The following RNFT2 variants were observed in gnomAD, a reference collection of about 807,000 sequenced individuals.
The protein encoded by RNFT2 is E3 ubiquitin-protein ligase RNFT2.
A neutral mutation model predicts 53.0 loss-of-function variants in RNFT2; 36 were observed. The ratio of observed to expected loss-of-function variants is 0.68; its 90% CI spans 0.52 to 0.90. The LOEUF is 0.90. RNFT2 is among the 40% of genes least tolerant of loss of function. The pLI, the probability that RNFT2 is intolerant of heterozygous loss-of-function variation, is 0.00. For missense variants in RNFT2, 514 were observed against 585.6 expected (o/e 0.88, Z 1.26); for synonymous variants, 260 against 253.2 (o/e 1.03, Z -0.26).
At chr12:116,812,203 G>A (rs551232454) in intron 7 of RNFT2, among the ~76,000 whole-genome samples, 2 of 152,314 alleles carry the variant, frequency 1.3e-5, no homozygotes, top group Admixed American at 6.5e-5. Context: ...GACAGAGGGA[G>A]ATGGCACCTG....
intron 7 of RNFT2, among the ~76,000 whole-genome samples, chr12:116,816,707 T>C (rs997952677): frequency 1.3e-5 from 2 of 152,216 alleles, no homozygotes; most frequent in Non-Finnish European, 2.9e-5. Context: ...TCAGTTTCTC[T>C]CATCTGCAAA....
At chr12:116,815,683 G>T (rs1875617543) in intron 7 of RNFT2, among the ~76,000 whole-genome samples, 1 of 152,168 alleles carries the variant, frequency 6.6e-6, no homozygotes, top group African/African-American at 2.4e-5. Context: ...CATCACATCT[G>T]CACGTGCACA....
chr12:116,840,833 G>T (rs1298742968), intron 10 of RNFT2, among the ~76,000 whole-genome samples: 1 of 152,114 alleles, frequency 6.6e-6, no homozygotes, highest in African/African-American at 2.4e-5. Flanking sequence ...GTATTATACC[G>T]ATATTCAGTA....
chr12:116,803,967 CTT>C (rs1874927849), intron 7 of RNFT2, among the ~76,000 whole-genome samples: 1 of 152,172 alleles, frequency 6.6e-6, no homozygotes, highest in African/African-American at 2.4e-5. Context: ...ATCTGGGAAA[CTT>C]TTGTCTTACT....
At chr12:116,761,090 G>C (rs949022673) in intron 5 of RNFT2, among the ~76,000 whole-genome samples, 1 of 151,964 alleles carries the variant, frequency 6.6e-6, no homozygotes, top group African/African-American at 2.4e-5. Flanking sequence ...TCTCCTCCAC[G>C]TACACCTAGC....
At position 116,845,243 on chromosome 12, in the gene RNFT2, CAA is replaced by C. The variant is rs66920809; in HGVS notation, c.1201-4056_1201-4055del. Among the ~76,000 whole-genome samples, 580 of 82,716 alleles carry C rather than the reference CAA, an allele frequency of 7.0e-3. 3 individuals carry two copies. Among genetic ancestry groups the C allele is most frequent in the Middle Eastern group, 0.024 (4 of 170 alleles). 54.3% of individuals were successfully genotyped at this position (82,716 alleles called of 152,430 possible). On this transcript the variant is annotated intron_variant, in intron 10 of 10. Coordinates refer to ENST00000257575, the MANE Select transcript of RNFT2 (RefSeq NM_001382266.1). Reference sequence around the variant, plus strand: ...TGGATGACAGAGCAAGACCCGGTTTCAAAAAAAAAAAAAAAATATATATATAT... The same window carrying C: ...TGGATGACAGAGCAAGACCCGGTTTCAAAAAAAAAAAAAATATATATATAT...
At chr12:116,746,743 G>T (rs1871915737) in intron 3 of RNFT2, among the ~76,000 whole-genome samples, 1 of 152,154 alleles carries the variant, frequency 6.6e-6, no homozygotes, top group African/African-American at 2.4e-5. Context: ...TGTCAGTAAG[G>T]AACATGATAT....
At chr12:116,784,071 T>C (rs902558322) in intron 7 of RNFT2, among the ~76,000 whole-genome samples, 4 of 152,176 alleles carry the variant, frequency 2.6e-5, no homozygotes, top group Admixed American at 6.5e-5. Flanking sequence ...CAGCTAGAAA[T>C]TGAAGAGCAA....
At chr12:116,750,813 TATATATTATATATATA>T (rs1872164098) in intron 4 of RNFT2, among the ~76,000 whole-genome samples, 2 of 5,094 alleles carry the variant, frequency 3.9e-4, no homozygotes, top group African/African-American at 6.2e-4. Context: ...ATATATAATA[TATATATTATATATATA>T]ATATATATAT....
chr12:116,753,141 T>C (rs1436330648), intron 4 of RNFT2, among the ~76,000 whole-genome samples: 3 of 79,800 alleles, frequency 3.8e-5, no homozygotes, highest in Non-Finnish European at 8.2e-5. Context: ...TTTTCTTTTT[T>C]CTTTTTCTTT....
chr12:116,771,134 C>G (rs1204896825), intron 6 of RNFT2, among the ~76,000 whole-genome samples: 1 of 152,004 alleles, frequency 6.6e-6, no homozygotes, highest in Non-Finnish European at 1.5e-5. Flanking sequence ...TGACTCCTGA[C>G]CTAAAATATT....
chr12:116,826,282 G>A (rs78204217), intron 7 of RNFT2, among the ~76,000 whole-genome samples: 5,280 of 151,800 alleles, frequency 0.035, 149 homozygotes, highest in African/African-American at 0.063. Context: ...AATAGAATCC[G>A]CCTTCCCAAC....
At chr12:116,825,810 G>A (rs1273311411) in intron 7 of RNFT2, among the ~76,000 whole-genome samples, 1 of 152,136 alleles carries the variant, frequency 6.6e-6, no homozygotes, top group Non-Finnish European at 1.5e-5. Flanking sequence ...GGGTCATAGA[G>A]GTTGAATTAT....
At chr12:116,775,616 C>A (rs1357984911) in intron 6 of RNFT2, among the ~76,000 whole-genome samples, 3 of 152,226 alleles carry the variant, frequency 2.0e-5, no homozygotes, top group Admixed American at 1.3e-4. Flanking sequence ...AAATTGGAAC[C>A]AAGTCCACAT....
rs113326826 is a variant in RNFT2 at position 116,848,619 on chromosome 12, A to G, written c.1201-695A>G. Among the ~76,000 whole-genome samples the G allele has an allele frequency of 2.0e-3, 304 of 152,186 alleles. 5 individuals carry two copies. The highest frequency in any genetic ancestry group is 7.2e-3 in the African/African-American group (297 of 41,518). On this transcript the variant is annotated intron_variant, in intron 10 of 10. Coordinates refer to ENST00000257575, the MANE Select transcript of RNFT2 (RefSeq NM_001382266.1). ...CCTCTCCTTCCTGTTCCTCCCGCACATCAAACACAGTCCAGCCTCAGGGCC... is the reference window on the plus strand; with the variant it reads ...CCTCTCCTTCCTGTTCCTCCCGCACGTCAAACACAGTCCAGCCTCAGGGCC...
At chr12:116,820,774 T>C (rs1875972636) in intron 7 of RNFT2, among the ~76,000 whole-genome samples, 1 of 152,184 alleles carries the variant, frequency 6.6e-6, no homozygotes, top group South Asian at 2.1e-4. Context: ...ACCCTGCCTC[T>C]TTGAGCCTCT....
At chr12:116,845,258 A>ATATAT (rs1177907516) in intron 10 of RNFT2, among the ~76,000 whole-genome samples, 4 of 122,544 alleles carry the variant, frequency 3.3e-5, no homozygotes, top group African/African-American at 1.3e-4. Context: ...AAAAAAAAAA[A>ATATAT]ATATATATAT....
At chr12:116,831,796 A>G (rs1044220975) in intron 7 of RNFT2, among the ~76,000 whole-genome samples, 1 of 151,886 alleles carries the variant, frequency 6.6e-6, no homozygotes, top group Admixed American at 6.6e-5. Context: ...AAACGTGCGC[A>G]CCCATGTATC....
At chr12:116,748,194 G>GA (rs1005391042) in intron 3 of RNFT2, among the ~76,000 whole-genome samples, 29 of 150,002 alleles carry the variant, frequency 1.9e-4, no homozygotes, top group Admixed American at 3.3e-4. Flanking sequence ...TGTCTCAAAA[G>GA]AAAAAAAAAG....
Sources: gnomAD v4.1 joint callset for allele counts (sites outside exome capture counted in the v4.1 genomes callset) on GRCh38, gnomAD v4.1.1 for gene constraint, MANE v1.5 for transcripts, NCBI Gene and HGNC (gene_info 2026-07-23, HGNC 2026-07-21) for gene names.